The following SYNE1 variants were observed in gnomAD, a reference collection of about 807,000 sequenced individuals.
SYNE1 encodes nesprin-1.
In SYNE1, 616 loss-of-function variants were observed where a neutral mutation model predicts 1,111.0. That is an observed-to-expected ratio of 0.55 (90% CI 0.52 to 0.59). SYNE1 has a LOEUF of 0.59. SYNE1 is among the 20% of genes least tolerant of loss of function. The pLI, the probability that SYNE1 is intolerant of heterozygous loss-of-function variation, is 0.00. For synonymous variants in SYNE1, 3,855 were observed against 3,825.8 expected (o/e 1.01, Z -0.28); for missense variants, 10,006 against 10,417.0 (o/e 0.96, Z 1.72).
intron 13 of SYNE1, among the ~76,000 whole-genome samples, chr6:152,484,474 G>C (rs1434664958): frequency 6.6e-6 from 1 of 152,158 alleles, no homozygotes; most frequent in East Asian, 1.9e-4. Flanking sequence ...AAGTTGCTGT[G>C]GCTCTACTCT....
Position 152,450,849 on chromosome 6 carries a change from T to C in SYNE1, c.3187-16A>G. 6.2e-7 allele frequency: 1 copy of C among 1,613,032 alleles called. No individual in the cohort carries two copies. The highest frequency in any genetic ancestry group is 8.5e-7 in the Non-Finnish European group (1 of 1,179,316). ...TGAAGAAAACCTAATGTGTAATAAA[T>C]GTTTTTATAATCCCTGTGAGAAGCC... On this transcript the variant is annotated splice_polypyrimidine_tract_variant and intron_variant, in intron 26 of 145. Transcript: ENST00000367255.
chr6:152,588,506 T>A (rs1166062955), intron 3 of SYNE1, among the ~76,000 whole-genome samples: 1 of 152,178 alleles, frequency 6.6e-6, no homozygotes, highest in East Asian at 1.9e-4. Context: ...AGAGTCCTGA[T>A]CAGTAGCTAA....
At chr6:152,604,944 CAAAGAAAGAAAGAAAGAAAG>C (rs1185668483) in intron 3 of SYNE1, among the ~76,000 whole-genome samples, 1,097 of 65,856 alleles carry the variant, frequency 0.017, 67 homozygotes, top group Non-Finnish European at 0.027. Context: ...CCCTATCTCA[CAAAGAAAGAAAGAAAGAAAG>C]AAAGAAAGAA....
chr6:152,398,783 A>G (rs561354879), intron 48 of SYNE1, 52 bp from the exon 49 acceptor site: 3 of 1,427,576 alleles, frequency 2.1e-6, no homozygotes, highest in African/African-American at 2.9e-5. Context: ...AAGCAAATCC[A>G]AAACATTGAA....
intron 3 of SYNE1, among the ~76,000 whole-genome samples, chr6:152,623,496 C>T (rs1313606963): frequency 1.3e-5 from 2 of 151,966 alleles, no homozygotes; most frequent in Admixed American, 6.6e-5. Context: ...CCAAAAGCAA[C>T]TGCAACAAAA....
rs982631253 is a variant in SYNE1, at chr6:152,140,726, T to C, written c.25246+477A>G. ...AACACTACCATGATGGCATGCATCATCCCCTCACTGTCAAAGGAGACTGTT... is the reference window on the plus strand; with the variant it reads ...AACACTACCATGATGGCATGCATCACCCCCTCACTGTCAAAGGAGACTGTT... On this transcript the variant is annotated intron_variant, in intron 139 of 145. Transcript: ENST00000367255. Among the ~76,000 whole-genome samples the C allele has an allele frequency of 2.6e-5, 4 of 152,044 alleles. No individual in the cohort carries two copies. In the East Asian group the frequency reaches 7.7e-4, roughly 29 times the overall value.
chr6:152,294,637 A>T (rs933273424), intron 93 of SYNE1, among the ~76,000 whole-genome samples: 4 of 152,202 alleles, frequency 2.6e-5, no homozygotes, highest in African/African-American at 9.6e-5. Flanking sequence ...TTTGATATTA[A>T]ATAAGAAAAA....
chr6:152,230,414 C>A, intron 115 of SYNE1, 133 bp downstream of exon 115: 1 of 962,442 alleles, frequency 1.0e-6, no homozygotes, highest in Admixed American at 2.2e-5. Flanking sequence ...ACAAAATCAG[C>A]AAAATTTGTT....
rs1435375943 is a variant in SYNE1 at position 152,232,387 on chromosome 6, C to T, written c.20713-122G>A. ...CAAGAGAGATAACACTCCTTAATGACATTTGGAGATCTTACCCTTTCTGAA... is the reference window on the plus strand; with the variant it reads ...CAAGAGAGATAACACTCCTTAATGATATTTGGAGATCTTACCCTTTCTGAA... On this transcript the variant is annotated intron_variant, in intron 112 of 145. Coordinates refer to ENST00000367255, the MANE Select transcript of SYNE1 (RefSeq NM_182961.4). 7 of 1,070,262 alleles carry T rather than the reference C, an allele frequency of 6.5e-6. No homozygotes were observed. In the East Asian group the frequency reaches 9.7e-5, roughly 15 times the overall value. The allele number at this position is 1,070,262 out of a possible 1,614,324, so 66.3% of individuals were successfully genotyped here.
At chr6:152,283,940 C>T (rs768125099) in intron 96 of SYNE1, 38 bp downstream of exon 96, 1 of 1,533,048 alleles carries the variant, frequency 6.5e-7, no homozygotes, top group South Asian at 1.1e-5. Flanking sequence ...TAAAAGTTAA[C>T]TCAGAAGTGA....
At chr6:152,377,510 G>A (rs2097303506) in intron 56 of SYNE1, among the ~76,000 whole-genome samples, 1 of 149,342 alleles carries the variant, frequency 6.7e-6, no homozygotes, top group Non-Finnish European at 1.5e-5. Flanking sequence ...TTGGGAGGCT[G>A]AGGCAGGAGA....
At chr6:152,297,075 G>A (rs2094917614) in intron 93 of SYNE1, among the ~76,000 whole-genome samples, 1 of 152,118 alleles carries the variant, frequency 6.6e-6, no homozygotes, top group African/African-American at 2.4e-5. Flanking sequence ...ATTAGCTTCT[G>A]GAGGAAGCTG....
At chr6:152,400,868 A>C (rs920850935) in intron 47 of SYNE1, among the ~76,000 whole-genome samples, 1 of 119,008 alleles carries the variant, frequency 8.4e-6, no homozygotes, top group African/African-American at 2.7e-5. Flanking sequence ...TATAAAAAAG[A>C]AAAAAAAACT....
chr6:152,619,331 A>G (rs1744385), intron 3 of SYNE1, among the ~76,000 whole-genome samples: 108,481 of 151,946 alleles, frequency 0.71, 38,826 homozygotes, highest in East Asian at 0.81. Context: ...ATCCAACATA[A>G]ACAGGGTCAC....
At chr6:152,443,310 G>GCC (rs1372762325) in intron 30 of SYNE1, among the ~76,000 whole-genome samples, 3 of 152,060 alleles carry the variant, frequency 2.0e-5, no homozygotes, top group Non-Finnish European at 4.4e-5. Context: ...TGTCGCCCAG[G>GCC]CTGGAGTGCA....
Position 152,218,316 on chromosome 6 carries a change from G to C in SYNE1, c.22132C>G (p.Gln7378Glu). ...IVEAEEILQG[Q>E]DPSHSSDLST... ...AGGTCAGATGAGTGGCTAGGGTCCT[G>C]CCCTTGTAGTATTTCTTCAGCTTCC... Residue 7378 changes from glutamine (Q) to glutamate (E), a missense_variant, in exon 121 of 146, where the codon CAG (glutamine) becomes GAG (glutamate). Around this residue, in one of 7 missense-constraint regions of SYNE1, gnomAD observed 2,182 missense variants for 2,287.8 expected, o/e 0.95. Coordinates refer to ENST00000367255, the MANE Select transcript of SYNE1 (RefSeq NM_182961.4). The C allele has an allele frequency of 6.2e-7, 1 of 1,613,964 alleles. No individual in the cohort carries two copies. Among genetic ancestry groups the C allele is most frequent in the Non-Finnish European group, 8.5e-7 (1 of 1,179,944 alleles).
rs758610710 is a variant in SYNE1 at position 152,526,174 on chromosome 6, C to T, written c.131G>A (p.Arg44Gln). The change falls in exon 5 of 146, where the codon CGG (arginine) becomes CAG (glutamine). Residue 44 changes from arginine to glutamine, a missense_variant and splice_region_variant. By Grantham distance (43) the Arg-to-Gln change is conservative. Transcript: ENST00000367255. Reference protein sequence around the residue: ...TKWINSHLAKRKPPMVVDDLF... With the variant: ...TKWINSHLAKQKPPMVVDDLF... Reference sequence around the variant, plus strand: ...ATCGTCCACCACCATTGGAGGTTTCCGCTGTAAAAGCAAAGAGGAATAAGT... The same window carrying T: ...ATCGTCCACCACCATTGGAGGTTTCTGCTGTAAAAGCAAAGAGGAATAAGT... The T allele has an allele frequency of 2.5e-6, 4 of 1,613,850 alleles. No homozygotes were observed. The highest frequency in any genetic ancestry group is 1.7e-5 in the Admixed American group (1 of 59,980).
intron 59 of SYNE1, among the ~76,000 whole-genome samples, chr6:152,371,873 G>A (rs1340232582): frequency 1.5e-4 from 9 of 60,034 alleles, no homozygotes; most frequent in African/African-American, 5.9e-4. Flanking sequence ...GAAAGGAAAG[G>A]AAAGGAAAGG....
intron 3 of SYNE1, among the ~76,000 whole-genome samples, chr6:152,566,800 G>A (rs933782318): frequency 4.6e-5 from 7 of 152,012 alleles, no homozygotes; most frequent in South Asian, 2.1e-4. Flanking sequence ...GCCTAATCTC[G>A]GGTAGAATAA....
Sources: allele counts gnomAD v4.1 joint callset (sites outside exome capture counted in the v4.1 genomes callset), GRCh38; gene constraint gnomAD v4.1.1; regional missense constraint gnomAD v4.1.1; transcripts MANE v1.5; gene names NCBI Gene and HGNC (gene_info 2026-07-23, HGNC 2026-07-21).